The following AOAH variants were observed in gnomAD, a reference collection of about 807,000 sequenced individuals.
The protein encoded by AOAH is acyloxyacyl hydrolase (neutrophil).
A neutral mutation model predicts 92.2 loss-of-function variants in AOAH; 64 were observed. The ratio of observed to expected loss-of-function variants is 0.69; its 90% CI spans 0.57 to 0.86. The LOEUF (loss-of-function observed/expected upper bound fraction) is 0.86, where lower values mean the gene tolerates loss of function less well. Ranked by LOEUF, AOAH falls within the 40% of genes least tolerant of loss-of-function variation. The pLI is 0.00. For missense variants in AOAH, 656 were observed against 694.6 expected (o/e 0.94, Z 0.62); for synonymous variants, 263 against 254.5 (o/e 1.03, Z -0.32).
intron 1 of AOAH, among the ~76,000 whole-genome samples, chr7:36,699,418 C>T (rs531685917): frequency 1.2e-4 from 19 of 152,144 alleles, no homozygotes; most frequent in African/African-American, 4.3e-4. Context: ...TTTACATTCC[C>T]ACCAACAAGG....
At chr7:36,556,440 A>G (rs1192023963) in intron 13 of AOAH, among the ~76,000 whole-genome samples, 1 of 152,112 alleles carries the variant, frequency 6.6e-6, no homozygotes, top group Non-Finnish European at 1.5e-5. Flanking sequence ...TGGTGTGGTG[A>G]TGAAAAAAAT....
intron 13 of AOAH, among the ~76,000 whole-genome samples, chr7:36,564,392 C>CT (rs1244099375): frequency 6.6e-6 from 1 of 152,122 alleles, no homozygotes; most frequent in African/African-American, 2.4e-5. Context: ...GGGGCTTTGT[C>CT]TTTCTCATCT....
chr7:36,635,708 T>C (rs970278688), intron 5 of AOAH, among the ~76,000 whole-genome samples: 9 of 151,460 alleles, frequency 5.9e-5, no homozygotes, highest in African/African-American at 2.2e-4. Flanking sequence ...TGAAAGCTAC[T>C]GGCCTAGTAG....
intron 16 of AOAH, among the ~76,000 whole-genome samples, chr7:36,535,684 T>A (rs1001988711): frequency 2.0e-5 from 3 of 152,162 alleles, no homozygotes; most frequent in African/African-American, 7.2e-5. Context: ...TCATGGGCAC[T>A]CGGCACGTTC....
Position 36,590,005 on chromosome 7 carries a change from G to A in AOAH, c.938+4334C>T, listed in dbSNP as rs1003509553. Among the ~76,000 whole-genome samples the A allele has an allele frequency of 1.9e-4, 29 of 151,960 alleles. No homozygotes were observed. In the East Asian group the frequency reaches 2.1e-3, roughly 11 times the overall value. On this transcript the variant is annotated intron_variant, in intron 12 of 20. Transcript: ENST00000617537. ...GTTGCCCAGGCTGGAGTACAGTGGC[G>A]TGATCATAGCTCACAGCAATCTCAG...
chr7:36,642,368 C>T (rs921286299), intron 4 of AOAH, among the ~76,000 whole-genome samples: 6 of 152,066 alleles, frequency 3.9e-5, no homozygotes, highest in Non-Finnish European at 8.8e-5. Flanking sequence ...AGGGAGAATG[C>T]TATCTACGAG....
chr7:36,716,042 T>C (rs972168080), intron 1 of AOAH, among the ~76,000 whole-genome samples: 1 of 151,954 alleles, frequency 6.6e-6, no homozygotes, highest in African/African-American at 2.4e-5. Context: ...ACAGGCAACC[T>C]ACAGAATGGG....
chr7:36,595,531 T>C (rs1318031105), intron 11 of AOAH, among the ~76,000 whole-genome samples: 1 of 152,170 alleles, frequency 6.6e-6, no homozygotes, highest in African/African-American at 2.4e-5. Flanking sequence ...CAAGACTCTG[T>C]CTCAAAAATA....
At chr7:36,600,529 C>T (rs1020676165) in intron 11 of AOAH, among the ~76,000 whole-genome samples, 8 of 152,068 alleles carry the variant, frequency 5.3e-5, no homozygotes, top group Non-Finnish European at 1.2e-4. Flanking sequence ...CGGGGAAAGG[C>T]CCCCGGGAGA....
intron 1 of AOAH, among the ~76,000 whole-genome samples, chr7:36,706,668 T>C (rs539984693): frequency 6.6e-6 from 1 of 152,324 alleles, no homozygotes; most frequent in Admixed American, 6.5e-5. Flanking sequence ...TCAACAATCA[T>C]TTGCTTAGAA....
chr7:36,633,959 A>G, intron 5 of AOAH, among the ~76,000 whole-genome samples: 1 of 152,258 alleles, frequency 6.6e-6, no homozygotes, highest in African/African-American at 2.4e-5. Context: ...GCCTCCAGAC[A>G]TTGCCAAATC....
intron 20 of AOAH, chr7:36,514,577 A>T (rs1485162169): frequency 3.3e-6 from 5 of 1,535,438 alleles, no homozygotes; most frequent in Non-Finnish European, 4.4e-6. Flanking sequence ...GCCTTTGAGG[A>T]GGATGCTCTT....
intron 20 of AOAH, among the ~76,000 whole-genome samples, chr7:36,517,240 C>CTTTT (rs1783826760): frequency 9.9e-6 from 1 of 101,392 alleles, no homozygotes; most frequent in Non-Finnish European, 2.1e-5. Context: ...CTCTCTCTCT[C>CTTTT]TCTCTTTCTT....
chr7:36,536,064 G>A (rs769295624), intron 16 of AOAH, among the ~76,000 whole-genome samples: 1 of 152,152 alleles, frequency 6.6e-6, no homozygotes, highest in Non-Finnish European at 1.5e-5. Flanking sequence ...GGGATGCGAG[G>A]AGAGATTCGT....
At chr7:36,519,710 G>A (rs538670898) in intron 20 of AOAH, among the ~76,000 whole-genome samples, 9 of 152,202 alleles carry the variant, frequency 5.9e-5, no homozygotes, top group Non-Finnish European at 8.8e-5. Flanking sequence ...GATTATAGGC[G>A]TGAGCCACCA....
In AOAH at chr7:36,586,160, C is replaced by A. The variant is rs909703600; in HGVS notation, c.938+8179G>T. ...TGCCTTTTAGATCATCCTATCAATA[C>A]AAGTATGCTGCAGGATTTTCCATTT... On this transcript the variant is annotated intron_variant, in intron 12 of 20. Transcript: ENST00000617537. 3.9e-5 allele frequency among the ~76,000 whole-genome samples: 6 copies of A among 152,186 alleles called. No homozygotes were observed. The East Asian group carries it at 9.7e-4, about 25-fold the overall frequency.
intron 20 of AOAH, among the ~76,000 whole-genome samples, chr7:36,515,358 A>C (rs1292657412): frequency 1.5e-3 from 72 of 46,700 alleles, no homozygotes; most frequent in African/African-American, 1.8e-3. Context: ...ACACACCCCC[A>C]CACACACACC....
intron 19 of AOAH, among the ~76,000 whole-genome samples, chr7:36,522,852 A>G (rs1215645164): frequency 6.6e-6 from 1 of 152,176 alleles, no homozygotes; most frequent in Non-Finnish European, 1.5e-5. Flanking sequence ...CCCAGCGTCC[A>G]GTGAGGGGGG....
intron 3 of AOAH, among the ~76,000 whole-genome samples, chr7:36,668,363 T>G (rs1275142342): frequency 6.6e-6 from 1 of 152,210 alleles, no homozygotes; most frequent in Non-Finnish European, 1.5e-5. Context: ...ACAGTACAGA[T>G]TATCTTTCTT....
Sources: gnomAD v4.1 joint callset for allele counts (sites outside exome capture counted in the v4.1 genomes callset) on GRCh38, gnomAD v4.1.1 for gene constraint, MANE v1.5 for transcripts, NCBI Gene and HGNC (gene_info 2026-07-23, HGNC 2026-07-21) for gene names.